Variants in BICD1 observed in about 807,000 individuals in gnomAD.
BICD1 encodes protein bicaudal D homolog 1.
In BICD1, 35 loss-of-function variants were observed where a neutral mutation model predicts 92.5. The observed-to-expected ratio is 0.38, with a 90% CI of 0.29 to 0.50. BICD1 has a LOEUF of 0.50. Among genes scored for constraint, BICD1 ranks in the 20% least tolerant of loss-of-function variants. The pLI is 0.93. For missense variants in BICD1, 950 were observed against 1,189.8 expected (o/e 0.80, Z 2.97); for synonymous variants, 429 against 465.1 (o/e 0.92, Z 1.00).
At chr12:32,193,385 C>T (rs1291304859) in intron 1 of BICD1, among the ~76,000 whole-genome samples, 1 of 152,140 alleles carries the variant, frequency 6.6e-6, no homozygotes, top group Non-Finnish European at 1.5e-5. Flanking sequence ...GGTATTATTG[C>T]ACATTACTAG....
chr12:32,304,354 G>T (rs1197329023), intron 3 of BICD1, among the ~76,000 whole-genome samples: 1 of 152,168 alleles, frequency 6.6e-6, no homozygotes, highest in Non-Finnish European at 1.5e-5. Flanking sequence ...CACATAGTTT[G>T]TATTAGCATC....
intron 2 of BICD1, among the ~76,000 whole-genome samples, chr12:32,284,509 T>C (rs1947509877): frequency 6.6e-6 from 1 of 152,210 alleles, no homozygotes; most frequent in African/African-American, 2.4e-5. Context: ...AACTGAGATG[T>C]TCCCCGATCT....
intron 8 of BICD1, among the ~76,000 whole-genome samples, chr12:32,347,136 A>C (rs1351313278): frequency 2.0e-5 from 3 of 150,810 alleles, no homozygotes; most frequent in Non-Finnish European, 1.5e-5. Context: ...TTTTTAGTAG[A>C]GACAGGGTTT....
In BICD1 at chr12:32,377,756, G is replaced by A; in HGVS notation, c.*129G>A. On this transcript the variant is annotated 3_prime_UTR_variant, in exon 10 of 10. Coordinates refer to ENST00000652176, the MANE Select transcript of BICD1 (RefSeq NM_001714.4). ...CAATTGGATTAATGTCCATCGTTTTGGAAGACGAGAGAAAGTTGAGAAGAA... is the reference window on the plus strand; with the variant it reads ...CAATTGGATTAATGTCCATCGTTTTAGAAGACGAGAGAAAGTTGAGAAGAA... 1.3e-6 allele frequency: 1 copy of A among 799,352 alleles called. No individual in the cohort carries two copies. Among genetic ancestry groups the A allele is most frequent in the East Asian group, 2.7e-5 (1 of 37,632 alleles). The allele number at this position is 799,352 out of a possible 1,614,324, so 49.5% of individuals were successfully genotyped here. A position where few individuals can be genotyped will look rare whatever the true frequency, so the allele number is the denominator to read the frequency against.
At chr12:32,302,209 A>AT (rs1431957117) in intron 3 of BICD1, among the ~76,000 whole-genome samples, 3 of 152,248 alleles carry the variant, frequency 2.0e-5, no homozygotes, top group Non-Finnish European at 4.4e-5. Context: ...TTTTTAAAAA[A>AT]GAAATCAGAA....
intron 2 of BICD1, among the ~76,000 whole-genome samples, chr12:32,273,394 A>G (rs1947192598): frequency 6.6e-6 from 1 of 152,216 alleles, no homozygotes; most frequent in South Asian, 2.1e-4. Context: ...GAAAGCAAGT[A>G]CCAGCAGACA....
At chr12:32,271,679 C>T (rs1436705698) in intron 2 of BICD1, among the ~76,000 whole-genome samples, 1 of 152,154 alleles carries the variant, frequency 6.6e-6, no homozygotes, top group Non-Finnish European at 1.5e-5. Context: ...ATCCTCAAAC[C>T]TCGCTGCTTC....
intron 8 of BICD1, among the ~76,000 whole-genome samples, chr12:32,361,293 C>T (rs1188508352): frequency 4.6e-5 from 7 of 152,130 alleles, no homozygotes; most frequent in Non-Finnish European, 1.0e-4. Flanking sequence ...TGATGGCTCA[C>T]ACCTATAATT....
At chr12:32,310,019 C>G (rs1406532880) in intron 4 of BICD1, among the ~76,000 whole-genome samples, 1 of 152,178 alleles carries the variant, frequency 6.6e-6, no homozygotes, top group Non-Finnish European at 1.5e-5. Context: ...TGCCTCTAAT[C>G]CAACAGCTGT....
At chr12:32,277,122 G>A (rs550205541) in intron 2 of BICD1, among the ~76,000 whole-genome samples, 2 of 152,306 alleles carry the variant, frequency 1.3e-5, no homozygotes, top group Admixed American at 6.5e-5. Context: ...GGCCAGGCAC[G>A]GTGGCTCACT....
intron 8 of BICD1, among the ~76,000 whole-genome samples, chr12:32,348,723 AATATATATATATATATAT>A (rs11272207): frequency 6.9e-4 from 82 of 117,992 alleles, no homozygotes; most frequent in East Asian, 4.2e-3. Context: ...CTCACACAAA[AATATATATATATATATAT>A]ATATATATAT....
chr12:32,126,660 G>A (rs1942352735), intron 1 of BICD1, among the ~76,000 whole-genome samples: 1 of 152,026 alleles, frequency 6.6e-6, no homozygotes, highest in African/African-American at 2.4e-5. Flanking sequence ...GGGAGGCTGA[G>A]GCAGGAGAAT....
intron 2 of BICD1, among the ~76,000 whole-genome samples, chr12:32,218,292 G>A (rs1430898834): frequency 6.6e-6 from 1 of 152,078 alleles, no homozygotes; most frequent in African/African-American, 2.4e-5. Context: ...AAAATTTGAG[G>A]GGCCTTTCAT....
intron 3 of BICD1, among the ~76,000 whole-genome samples, chr12:32,299,020 G>T (rs1020574085): frequency 6.6e-6 from 1 of 152,050 alleles, no homozygotes; most frequent in Non-Finnish European, 1.5e-5. Flanking sequence ...ACAGTCACTG[G>T]CTCAAAGAGC....
intron 2 of BICD1, among the ~76,000 whole-genome samples, chr12:32,219,691 G>T (rs1945457531): frequency 6.6e-6 from 1 of 152,028 alleles, no homozygotes; most frequent in Non-Finnish European, 1.5e-5. Context: ...TTTTATTTCT[G>T]CCTTGACTGT....
chr12:32,361,695 A>G (rs1000874045), intron 8 of BICD1, among the ~76,000 whole-genome samples: 6 of 151,966 alleles, frequency 3.9e-5, no homozygotes, highest in African/African-American at 1.2e-4. Context: ...AGGGAAAGAG[A>G]TGTGGTGTGG....
intron 8 of BICD1, among the ~76,000 whole-genome samples, chr12:32,365,098 G>A (rs75856823): frequency 0.11 from 15,972 of 152,092 alleles, 1,334 homozygotes; most frequent in African/African-American, 0.23. Context: ...TTAGCTGGGC[G>A]TGGTGGCGCA....
At chr12:32,287,544 T>C (rs537832139) in intron 2 of BICD1, among the ~76,000 whole-genome samples, 3 of 132,384 alleles carry the variant, frequency 2.3e-5, no homozygotes, top group South Asian at 4.5e-4. Context: ...TTTTTTTTTG[T>C]TTTTTTTTTT....
intron 1 of BICD1, among the ~76,000 whole-genome samples, chr12:32,204,668 T>C (rs967631315): frequency 1.3e-5 from 2 of 152,136 alleles, no homozygotes; most frequent in South Asian, 2.1e-4. Context: ...TGGCATAATA[T>C]ATTAGCATCC....
Sources: gnomAD v4.1 joint callset for allele counts (sites outside exome capture counted in the v4.1 genomes callset) on GRCh38, gnomAD v4.1.1 for gene constraint, MANE v1.5 for transcripts, NCBI Gene and HGNC (gene_info 2026-07-23, HGNC 2026-07-21) for gene names.